Variants in AFAP1 observed in about 807,000 individuals in gnomAD.
AFAP1 encodes actin filament-associated protein 1.
In AFAP1, 75 loss-of-function variants were observed where a neutral mutation model predicts 93.9. The ratio of observed to expected loss-of-function variants is 0.80; its 90% confidence interval spans 0.66 to 0.97. The LOEUF (loss-of-function observed/expected upper bound fraction) is 0.97. Among genes scored for constraint, AFAP1 ranks in the 50% least tolerant of loss-of-function variants. The probability of loss-of-function intolerance (pLI) is 0.00; values close to 1 mark genes in which losing one functional copy is unlikely to be tolerated. For synonymous variants in AFAP1, 517 were observed against 430.7 expected (o/e 1.20, Z -2.48); for missense variants, 1,201 against 1,050.8 (o/e 1.14, Z -1.98).
intron 12 of AFAP1, among the ~76,000 whole-genome samples, chr4:7,784,924 CA>C (rs1471735171): frequency 6.6e-6 from 1 of 152,088 alleles, no homozygotes; most frequent in Non-Finnish European, 1.5e-5. Context: ...AATGGAGAAT[CA>C]AAACAGTAAG....
intron 1 of AFAP1, among the ~76,000 whole-genome samples, chr4:7,930,745 C>A (rs1721020258): frequency 1.3e-5 from 2 of 152,148 alleles, no homozygotes; most frequent in Non-Finnish European, 2.9e-5. Context: ...TACTATGTAT[C>A]CCACTATCAC....
At chr4:7,930,940 C>T (rs1226119080) in intron 1 of AFAP1, among the ~76,000 whole-genome samples, 1 of 152,104 alleles carries the variant, frequency 6.6e-6, no homozygotes, top group Admixed American at 6.6e-5. Flanking sequence ...TTAGTAGAGA[C>T]GAGGTTTCAC....
intron 1 of AFAP1, among the ~76,000 whole-genome samples, chr4:7,899,818 A>G (rs1419627199): frequency 6.9e-6 from 1 of 144,536 alleles, no homozygotes; most frequent in Admixed American, 6.9e-5. Flanking sequence ...TGAAAACACC[A>G]AAGATTCATA....
At chr4:7,870,309 G>C (rs1053225392) in intron 2 of AFAP1, among the ~76,000 whole-genome samples, 1 of 152,178 alleles carries the variant, frequency 6.6e-6, no homozygotes, top group Non-Finnish European at 1.5e-5. Flanking sequence ...TGTGACCAGA[G>C]GCAAAGGCTG....
chr4:7,790,639 C>T (rs995249439), intron 11 of AFAP1, among the ~76,000 whole-genome samples: 4 of 152,128 alleles, frequency 2.6e-5, no homozygotes, highest in African/African-American at 9.7e-5. Context: ...CAAAAATAGA[C>T]TTACGGATCT....
chr4:7,919,883 A>G (rs990245397), intron 1 of AFAP1, among the ~76,000 whole-genome samples: 7 of 152,096 alleles, frequency 4.6e-5, no homozygotes, highest in African/African-American at 1.7e-4. Flanking sequence ...CTTATAAGTA[A>G]GAACACATGG....
At chr4:7,770,709 G>T (rs756679676) in intron 16 of AFAP1, among the ~76,000 whole-genome samples, 3 of 152,146 alleles carry the variant, frequency 2.0e-5, no homozygotes, top group Non-Finnish European at 4.4e-5. Flanking sequence ...TGAGATCGAG[G>T]CACTGACCAG....
At chr4:7,768,670 G>C (rs551233330) in intron 17 of AFAP1, among the ~76,000 whole-genome samples, 174 bp downstream of exon 17, 10 of 152,180 alleles carry the variant, frequency 6.6e-5, no homozygotes, top group Non-Finnish European at 1.3e-4. Context: ...TTCCTAACAG[G>C]ATCTGCGGGG....
At chr4:7,812,809 C>T (rs775206126) in intron 8 of AFAP1, among the ~76,000 whole-genome samples, 18 of 152,182 alleles carry the variant, frequency 1.2e-4, no homozygotes, top group Non-Finnish European at 1.2e-4. Context: ...ATTATTTAGG[C>T]TACTGGGAGG....
At chr4:7,839,683 C>A (rs948366404) in intron 5 of AFAP1, among the ~76,000 whole-genome samples, 1 of 152,150 alleles carries the variant, frequency 6.6e-6, no homozygotes, top group African/African-American at 2.4e-5. Context: ...AAGGTTAGAA[C>A]TGAGACTTAA....
At chr4:7,848,714 C>T (rs772643695) in intron 4 of AFAP1, among the ~76,000 whole-genome samples, 2 of 152,126 alleles carry the variant, frequency 1.3e-5, no homozygotes, top group Non-Finnish European at 2.9e-5. Flanking sequence ...CTCACAGATA[C>T]ACCCAAAAAT....
intron 16 of AFAP1, among the ~76,000 whole-genome samples, chr4:7,771,132 C>G (rs76013223): frequency 0.11 from 17,258 of 152,314 alleles, 1,203 homozygotes; most frequent in East Asian, 0.28. Context: ...ATTGGTTTGC[C>G]TCCCTCATGA....
At chr4:7,917,040 G>A (rs1227258415) in intron 1 of AFAP1, among the ~76,000 whole-genome samples, 1 of 152,212 alleles carries the variant, frequency 6.6e-6, no homozygotes, top group Non-Finnish European at 1.5e-5. Context: ...ATGAGTTTGA[G>A]CAAGCAGCTT....
chr4:7,854,747 C>T (rs1577299094), intron 4 of AFAP1, among the ~76,000 whole-genome samples: 1 of 152,002 alleles, frequency 6.6e-6, no homozygotes, highest in South Asian at 2.1e-4. Context: ...AGCTGGATTC[C>T]ATTAGTTGAC....
At chr4:7,816,427 T>C (rs1353031160) in intron 7 of AFAP1, among the ~76,000 whole-genome samples, 2 of 152,250 alleles carry the variant, frequency 1.3e-5, no homozygotes, top group Non-Finnish European at 2.9e-5. Flanking sequence ...ACAAAAAATA[T>C]TTCCCTCACC....
chr4:7,882,036 G>C (rs946383256), intron 1 of AFAP1, among the ~76,000 whole-genome samples: 3 of 152,034 alleles, frequency 2.0e-5, no homozygotes, highest in Admixed American at 2.0e-4. Context: ...CATCTTGTTG[G>C]AACTTCACTT....
At chr4:7,911,451 C>A (rs1200430599) in intron 1 of AFAP1, among the ~76,000 whole-genome samples, 1 of 152,228 alleles carries the variant, frequency 6.6e-6, no homozygotes, top group Admixed American at 6.5e-5. Context: ...TGCTTTCTAT[C>A]ATTTTCATAC....
intron 8 of AFAP1, among the ~76,000 whole-genome samples, chr4:7,813,983 A>G (rs1720260840): frequency 6.6e-6 from 1 of 152,164 alleles, no homozygotes; most frequent in Non-Finnish European, 1.5e-5. Flanking sequence ...CACAGGTTCA[A>G]TGAGCAAACA....
chr4:7,826,009 C>A (rs1721386466), intron 6 of AFAP1, among the ~76,000 whole-genome samples: 3 of 149,856 alleles, frequency 2.0e-5, no homozygotes, highest in Admixed American at 1.3e-4. Context: ...AATGAAGATG[C>A]AAAAAACCTA....
Sources: allele counts gnomAD v4.1 joint callset (sites outside exome capture counted in the v4.1 genomes callset), GRCh38; gene constraint gnomAD v4.1.1; transcripts MANE v1.5; gene names NCBI Gene and HGNC (gene_info 2026-07-23, HGNC 2026-07-21).